The following USP48 variants were observed in gnomAD, a reference collection of about 807,000 sequenced individuals.
USP48 encodes ubiquitin carboxyl-terminal hydrolase 48.
A neutral mutation model predicts 150.7 loss-of-function variants in USP48; 43 were observed. The ratio of observed to expected loss-of-function variants is 0.29; its 90% CI spans 0.22 to 0.37. The LOEUF is 0.37. USP48 is among the 10% of genes least tolerant of loss of function. USP48 has a pLI of 1.00. For missense variants in USP48, 813 were observed against 1,249.6 expected (o/e 0.65, Z 5.27); for synonymous variants, 396 against 425.9 (o/e 0.93, Z 0.86).
At chr1:21,679,548 A>C (rs145673531) in intron 26 of USP48, 109 bp from the exon 27 acceptor site, 1 of 1,380,008 alleles carries the variant, frequency 7.2e-7, no homozygotes, top group East Asian at 2.3e-5. Flanking sequence ...AATTTAATAA[A>C]TGAACACAGT....
chr1:21,679,220 C>A lies in USP48; in HGVS notation c.*197G>T. 1.1e-5 allele frequency: 4 copies of A among 366,344 alleles called. No homozygotes were observed. Among genetic ancestry groups the A allele is most frequent in the South Asian group, 2.2e-5 (1 of 44,854 alleles). 22.7% of individuals were successfully genotyped at this position (366,344 alleles called of 1,614,324 possible). ...AATATAAAATTGGAAACATTTCCTT[C>A]AAGTCTGATGTCCATCAGTGCAATC... On this transcript the variant is annotated 3_prime_UTR_variant, in exon 27 of 27. Coordinates refer to ENST00000308271, the MANE Select transcript of USP48 (RefSeq NM_032236.8).
intron 1 of USP48, among the ~76,000 whole-genome samples, chr1:21,759,045 C>T (rs1487804746): frequency 1.3e-5 from 2 of 151,638 alleles, no homozygotes; most frequent in Non-Finnish European, 2.9e-5. Context: ...TGGTGGTACA[C>T]GTTTGTAACT....
At chr1:21,757,885 A>C in intron 1 of USP48, 102 bp from the exon 2 acceptor site, 1 of 1,358,764 alleles carries the variant, frequency 7.4e-7, no homozygotes, top group Non-Finnish European at 9.7e-7. Flanking sequence ...TCTATAAATT[A>C]GCAAAACTGA....
At position 21,709,255 on chromosome 1, in the gene USP48, T is replaced by C. The variant is rs1353512809; in HGVS notation, c.1964-2387A>G. 3.3e-5 allele frequency among the ~76,000 whole-genome samples: 5 copies of C among 152,110 alleles called. No homozygotes were observed. The East Asian group carries it at 9.7e-4, about 29-fold the overall frequency. On this transcript the variant is annotated intron_variant, in intron 15 of 26. Coordinates refer to ENST00000308271, the MANE Select transcript of USP48 (RefSeq NM_032236.8). ...TCACCTCTTCTGGATCTTTGAATAA[T>C]CCCCAAAAGATTATTTTGCTTTAAC...
chr1:21,710,412 TAACAA>T (rs1371140806), intron 15 of USP48, among the ~76,000 whole-genome samples: 2 of 152,060 alleles, frequency 1.3e-5, no homozygotes, highest in Non-Finnish European at 2.9e-5. Context: ...ACTTTCAAAA[TAACAA>T]AACAAAACAC....
intron 1 of USP48, among the ~76,000 whole-genome samples, chr1:21,762,595 C>T (rs535893530): frequency 2.0e-5 from 3 of 152,210 alleles, no homozygotes; most frequent in East Asian, 1.9e-4. Context: ...GGGCCGGGCG[C>T]GGTGGCTCAC....
At chr1:21,708,282 C>T (rs1430551758) in intron 15 of USP48, among the ~76,000 whole-genome samples, 3 of 151,226 alleles carry the variant, frequency 2.0e-5, no homozygotes, top group African/African-American at 4.9e-5. Context: ...GAGCAGATCA[C>T]GAGGTCAGGA....
In USP48 at chr1:21,783,128, C is replaced by T. The variant is rs2152668286; in HGVS notation, c.-171G>A. 1.9e-6 allele frequency: 2 copies of T among 1,056,596 alleles called. No homozygotes were observed. The highest frequency in any genetic ancestry group is 4.3e-5 in the Admixed American group (1 of 23,342). 65.5% of individuals were successfully genotyped at this position (1,056,596 alleles called of 1,614,324 possible). A position where few individuals can be genotyped will look rare whatever the true frequency, so the allele number is the denominator to read the frequency against. Reference sequence around the variant, plus strand: ...GCCACTGCCGCCGCGCCCGCCCGCGCCCGACCCGCACGACCGGCCGCAAAG... The same window carrying T: ...GCCACTGCCGCCGCGCCCGCCCGCGTCCGACCCGCACGACCGGCCGCAAAG... On this transcript the variant is annotated 5_prime_UTR_variant, in exon 1 of 27. Coordinates refer to ENST00000308271, the MANE Select transcript of USP48 (RefSeq NM_032236.8).
chr1:21,702,910 A>G (rs1223403821), intron 21 of USP48, among the ~76,000 whole-genome samples: 1 of 152,274 alleles, frequency 6.6e-6, no homozygotes, highest in African/African-American at 2.4e-5. Context: ...CCTGTCTATC[A>G]CCACAGGAAG....
At chr1:21,685,443 T>C (rs1048967082) in intron 25 of USP48, among the ~76,000 whole-genome samples, 1 of 151,960 alleles carries the variant, frequency 6.6e-6, no homozygotes, top group Non-Finnish European at 1.5e-5. Flanking sequence ...GCCTCCCTAG[T>C]AACTGGGATT....
intron 8 of USP48, among the ~76,000 whole-genome samples, chr1:21,740,333 T>C (rs1463701772): frequency 3.3e-5 from 5 of 152,256 alleles, no homozygotes; most frequent in African/African-American, 9.6e-5. Context: ...CCATTGTGTA[T>C]ATATACCACA....
chr1:21,764,706 C>G (rs1287817099), intron 1 of USP48, among the ~76,000 whole-genome samples: 3 of 89,298 alleles, frequency 3.4e-5, no homozygotes, highest in African/African-American at 1.4e-4. Context: ...AGTGGCACTC[C>G]GTCTCAAAAA....
intron 24 of USP48, among the ~76,000 whole-genome samples, chr1:21,688,089 C>T (rs557475069): frequency 7.9e-5 from 12 of 152,142 alleles, no homozygotes; most frequent in East Asian, 1.9e-4. Flanking sequence ...ATGATTCTAC[C>T]ACATGATGTG....
intron 9 of USP48, 160 bp downstream of exon 9, chr1:21,736,286 G>A (rs527492643): frequency 2.7e-6 from 2 of 745,596 alleles, no homozygotes; most frequent in South Asian, 4.1e-5. Context: ...AACAAGCATT[G>A]CTAATACAAG....
At chr1:21,683,347 C>A (rs907399846) in intron 25 of USP48, among the ~76,000 whole-genome samples, 7 of 152,200 alleles carry the variant, frequency 4.6e-5, no homozygotes, top group Non-Finnish European at 8.8e-5. Context: ...ATAATGATCA[C>A]ATCAGGGTAT....
At position 21,715,468 on chromosome 1, in the gene USP48, G is replaced by C. The variant is rs372755812; in HGVS notation, c.1895-11C>G. 54 of 1,525,990 alleles carry C rather than the reference G, an allele frequency of 3.5e-5. 1 individual carries two copies. The highest frequency in any genetic ancestry group is 4.4e-5 in the Non-Finnish European group (49 of 1,103,268). 94.5% of individuals were successfully genotyped at this position (1,525,990 alleles called of 1,614,324 possible). A position where few individuals can be genotyped will look rare whatever the true frequency, so the allele number is the denominator to read the frequency against. On this transcript the variant is annotated splice_polypyrimidine_tract_variant and intron_variant, in intron 14 of 26. Coordinates refer to ENST00000308271, the MANE Select transcript of USP48 (RefSeq NM_032236.8). ...CTTCCTTTGATTCATCTAATCAAAA[G>C]AAATACAAATGATATCTGCTGTGGT...
chr1:21,679,622 A>G (rs2097560001), intron 26 of USP48, among the ~76,000 whole-genome samples, 183 bp from the exon 27 acceptor site: 1 of 152,198 alleles, frequency 6.6e-6, no homozygotes. Context: ...GCTAAATCAC[A>G]TTTTTGTTGA....
At chr1:21,757,344 T>C (rs1301680795) in intron 2 of USP48, 1 of 188,522 alleles carries the variant, frequency 5.3e-6, no homozygotes, top group East Asian at 1.3e-4. Flanking sequence ...CATGAGTTTG[T>C]TCCCTTGAAT....
At chr1:21,770,674 G>C (rs565087016) in intron 1 of USP48, among the ~76,000 whole-genome samples, 4 of 151,164 alleles carry the variant, frequency 2.6e-5, no homozygotes, top group African/African-American at 9.7e-5. Context: ...TACAGACAGG[G>C]TTTCACCATA....
Sources: allele counts gnomAD v4.1 joint callset (sites outside exome capture counted in the v4.1 genomes callset), GRCh38; gene constraint gnomAD v4.1.1; transcripts MANE v1.5; gene names NCBI Gene and HGNC (gene_info 2026-07-23, HGNC 2026-07-21).